RBFOX1: variants seen among roughly 807,000 people sequenced by gnomAD.
The protein encoded by RBFOX1 is RNA binding protein fox-1 homolog 1.
In RBFOX1, 8 loss-of-function variants were observed where a neutral mutation model predicts 57.7. The observed-to-expected ratio is 0.14, with a 90% CI of 0.08 to 0.25. The LOEUF is 0.25. RBFOX1 is among the 10% of genes least tolerant of loss of function. The pLI is 1.00. For synonymous variants in RBFOX1, 326 were observed against 222.4 expected, an observed-to-expected ratio of 1.47 and a Z score of -4.15; for missense variants, 611 against 548.5, an observed-to-expected ratio of 1.11 and a Z score of -1.14.
At chr16:5,515,496 C>T (rs1466378134) in intron 2 of RBFOX1, among the ~76,000 whole-genome samples, 2 of 152,176 alleles carry the variant, frequency 1.3e-5, no homozygotes, top group Non-Finnish European at 2.9e-5. Context: ...CAAAATGGTT[C>T]CCCAGGCACT....
At chr16:6,839,026 C>T (rs769166838) in intron 3 of RBFOX1, among the ~76,000 whole-genome samples, 5 of 151,518 alleles carry the variant, frequency 3.3e-5, no homozygotes, top group Non-Finnish European at 7.4e-5. Flanking sequence ...GCTCTGTCGA[C>T]GAGGCTGGAG....
At chr16:7,046,874 G>C (rs1212293454) in intron 3 of RBFOX1, among the ~76,000 whole-genome samples, 1 of 151,854 alleles carries the variant, frequency 6.6e-6, no homozygotes, top group Non-Finnish European at 1.5e-5. Context: ...TCAAAGTTCT[G>C]GAATTACAGG....
At chr16:6,669,019 C>A (rs949184900) in intron 3 of RBFOX1, among the ~76,000 whole-genome samples, 1 of 151,894 alleles carries the variant, frequency 6.6e-6, no homozygotes, top group African/African-American at 2.4e-5. Flanking sequence ...TTTTATTATC[C>A]CACTTCTTGA....
chr16:7,563,268 T>C (rs1203976917), intron 5 of RBFOX1, among the ~76,000 whole-genome samples: 2 of 152,132 alleles, frequency 1.3e-5, no homozygotes, highest in Non-Finnish European at 2.9e-5. Context: ...CCTAAGCACT[T>C]ACAGGTGTTG....
At chr16:7,664,799 G>A in intron 12 of RBFOX1, 130 bp from the exon 13 acceptor site, 1 of 1,556,814 alleles carries the variant, frequency 6.4e-7, no homozygotes, top group African/African-American at 1.4e-5. Context: ...TTAATCCAAT[G>A]TGAAAACGAT....
chr16:5,377,067 A>G (rs73516686), intron 1 of RBFOX1, among the ~76,000 whole-genome samples: 6,942 of 151,602 alleles, frequency 0.046, 733 homozygotes, highest in African/African-American at 0.15. Context: ...GGAACCAGAA[A>G]CCATCCAGAG....
At chr16:5,463,490 A>C (rs143763484) in intron 1 of RBFOX1, among the ~76,000 whole-genome samples, 1 of 152,292 alleles carries the variant, frequency 6.6e-6, no homozygotes, top group Non-Finnish European at 1.5e-5. Context: ...TTAAAGATGC[A>C]TAAAAGTGTT....
intron 2 of RBFOX1, among the ~76,000 whole-genome samples, chr16:6,598,364 C>A (rs921087453): frequency 2.0e-5 from 3 of 152,090 alleles, no homozygotes; most frequent in Admixed American, 2.0e-4. Context: ...TTAATACTCT[C>A]CTATTAGTAG....
chr16:6,553,691 TGGGCCACTTCTATGAATGGTTGGAA>T (rs2097035841), intron 2 of RBFOX1, among the ~76,000 whole-genome samples: 1 of 152,050 alleles, frequency 6.6e-6, no homozygotes, highest in African/African-American at 2.4e-5. Flanking sequence ...GTTTTAAGGA[TGGGCCACTTCTATGAATGGTTGGAA>T]GAATGGAGGA....
At chr16:5,883,841 C>A (rs1012244520) in intron 4 of RBFOX1, among the ~76,000 whole-genome samples, 1 of 152,128 alleles carries the variant, frequency 6.6e-6, no homozygotes, top group African/African-American at 2.4e-5. Flanking sequence ...TTCCCAGTGA[C>A]CTAATGCTGT....
At chr16:7,312,895 G>A (rs114347264) in intron 4 of RBFOX1, among the ~76,000 whole-genome samples, 1,514 of 123,782 alleles carry the variant, frequency 0.012, 21 homozygotes, top group African/African-American at 0.043. Context: ...GAGAGTCTGG[G>A]AGAGTCTGGC....
At chr16:5,510,323 T>C (rs2043538259) in intron 2 of RBFOX1, among the ~76,000 whole-genome samples, 3 of 152,162 alleles carry the variant, frequency 2.0e-5, no homozygotes, top group South Asian at 4.1e-4. Context: ...CTGGGGCCGC[T>C]CTCCCTCTGA....
rs73510526 is a variant in RBFOX1 at position 5,482,729 on chromosome 16, G to A, written c.258+15475G>A. Among the ~76,000 whole-genome samples the A allele has an allele frequency of 6.5e-3, 991 of 152,232 alleles. 12 individuals are homozygous for A. The highest frequency in any genetic ancestry group is 0.023 in the African/African-American group (954 of 41,526). On this transcript the variant is annotated intron_variant, in intron 2 of 2. Transcript: ENST00000585867. ...GTACCTACCATCCTTGCTTCTAAAC[G>A]TGCTGCTGTTTTGCACAAAGGAGGG...
At chr16:7,612,861 T>G (rs574758308) in intron 10 of RBFOX1, among the ~76,000 whole-genome samples, 1 of 152,314 alleles carries the variant, frequency 6.6e-6, no homozygotes, top group East Asian at 1.9e-4. Flanking sequence ...CCAACTCATT[T>G]CTGTGATTAA....
At chr16:6,549,684 G>T (rs1050137841) in intron 2 of RBFOX1, among the ~76,000 whole-genome samples, 1 of 151,982 alleles carries the variant, frequency 6.6e-6, no homozygotes, top group Non-Finnish European at 1.5e-5. Context: ...TAGACGATAG[G>T]GCTGGAGTCT....
chr16:5,975,651 C>T (rs1288379150), intron 4 of RBFOX1, among the ~76,000 whole-genome samples: 1 of 152,096 alleles, frequency 6.6e-6, no homozygotes, highest in African/African-American at 2.4e-5. Flanking sequence ...TAAAGGATGT[C>T]ATGTCATAGT....
intron 3 of RBFOX1, among the ~76,000 whole-genome samples, chr16:5,815,768 C>G (rs547040643): frequency 6.6e-6 from 1 of 152,170 alleles, no homozygotes; most frequent in East Asian, 1.9e-4. Flanking sequence ...CTTCCGAACA[C>G]ATTTATTATC....
intron 4 of RBFOX1, among the ~76,000 whole-genome samples, chr16:7,141,237 C>A (rs942787008): frequency 1.3e-5 from 2 of 152,134 alleles, no homozygotes; most frequent in African/African-American, 4.8e-5. Flanking sequence ...GGATCCAGAT[C>A]GCTTCCTGCC....
At chr16:7,325,740 T>C (rs1224618778) in intron 4 of RBFOX1, among the ~76,000 whole-genome samples, 1 of 152,216 alleles carries the variant, frequency 6.6e-6, no homozygotes, top group Non-Finnish European at 1.5e-5. Context: ...GATAATTTGA[T>C]GCGGTTGTGA....
Sources: gnomAD v4.1 joint callset for allele counts (sites outside exome capture counted in the v4.1 genomes callset) on GRCh38, gnomAD v4.1.1 for gene constraint, MANE v1.5 for transcripts, NCBI Gene and HGNC (gene_info 2026-07-23, HGNC 2026-07-21) for gene names.